The following DPP4 variants were observed in gnomAD, a reference collection of about 807,000 sequenced individuals.
DPP4 encodes ADCP-2.
DPP4 carries 93 observed loss-of-function variants against 122.4 expected under a neutral mutation model. The ratio of observed to expected loss-of-function variants is 0.76; its 90% confidence interval spans 0.64 to 0.90. DPP4 has a LOEUF of 0.90. Ranked by LOEUF, DPP4 falls within the 40% of genes least tolerant of loss-of-function variation. DPP4 has a pLI of 0.00. For synonymous variants in DPP4, 321 were observed against 302.9 expected, an observed-to-expected ratio of 1.06 and a Z score of -0.62; for missense variants, 914 against 907.3, an observed-to-expected ratio of 1.01 and a Z score of -0.09.
intron 18 of DPP4, 136 bp from the exon 19 acceptor site, chr2:162,014,601 T>C: frequency 1.6e-6 from 1 of 615,488 alleles, no homozygotes; most frequent in Non-Finnish European, 2.8e-6. Flanking sequence ...GAAAATGAAC[T>C]GCTTGGATTC....
At chr2:162,004,245 G>C (rs977287734) in intron 23 of DPP4, among the ~76,000 whole-genome samples, 9 of 152,172 alleles carry the variant, frequency 5.9e-5, no homozygotes, top group Non-Finnish European at 1.2e-4. Context: ...GTGAACAATA[G>C]ACTGGAGTGT....
At chr2:162,051,044 G>T (rs2106140223) in intron 2 of DPP4, among the ~76,000 whole-genome samples, 1 of 152,216 alleles carries the variant, frequency 6.6e-6, no homozygotes, top group South Asian at 2.1e-4. Flanking sequence ...AGAAACTTGA[G>T]TTTCAAATCT....
At chr2:162,067,119 A>G (rs1307699705) in intron 2 of DPP4, among the ~76,000 whole-genome samples, 2 of 152,282 alleles carry the variant, frequency 1.3e-5, no homozygotes, top group Non-Finnish European at 2.9e-5. Context: ...TTGGCCCTGA[A>G]GAGGTTTTAA....
chr2:162,034,789 T>C (rs1282536896), intron 9 of DPP4, among the ~76,000 whole-genome samples: 1 of 152,200 alleles, frequency 6.6e-6, no homozygotes, highest in African/African-American at 2.4e-5. Context: ...ATCTGATATA[T>C]AACTGAGCTT....
chr2:162,033,440 C>G (rs1188261897), intron 10 of DPP4, 101 bp downstream of exon 10: 2 of 765,118 alleles, frequency 2.6e-6, no homozygotes, highest in Admixed American at 2.5e-5. Flanking sequence ...GGGGATGACA[C>G]AGTGGGAGGC....
chr2:162,064,874 G>C (rs1204929152), intron 2 of DPP4, among the ~76,000 whole-genome samples: 1 of 152,234 alleles, frequency 6.6e-6, no homozygotes, highest in Non-Finnish European at 1.5e-5. Flanking sequence ...AAGGAAAGGA[G>C]AGAATTACAG....
intron 4 of DPP4, among the ~76,000 whole-genome samples, 175 bp from the exon 5 acceptor site, chr2:162,045,787 G>A (rs986834865): frequency 2.6e-5 from 4 of 152,144 alleles, no homozygotes; most frequent in African/African-American, 4.8e-5. Flanking sequence ...GGTAGGTGGC[G>A]ATCAATGTTA....
chr2:162,025,742 T>C (rs1683305511), intron 10 of DPP4, among the ~76,000 whole-genome samples: 1 of 152,200 alleles, frequency 6.6e-6, no homozygotes, highest in Non-Finnish European at 1.5e-5. Flanking sequence ...CGATTGTGGT[T>C]TTGGATTACT....
Position 161,995,367 on chromosome 2 carries a change from T to C in DPP4, c.2058A>G (p.Ser686=), listed in dbSNP as rs770218682. The C allele has an allele frequency of 2.5e-6, 4 of 1,613,364 alleles. No homozygotes were observed. The highest frequency in any genetic ancestry group is 4.5e-5 in the East Asian group (2 of 44,878). The change falls in exon 24 of 26, where the codon TCA becomes TCG. Residue 686 remains serine (S), a synonymous_variant. Coordinates refer to ENST00000360534, the MANE Select transcript of DPP4 (RefSeq NM_001935.4). ...AATTTTCAGCTCTGCTCATGACTGT[T>C]GAATTCTGGAATTGGGAGAAAGAAT... ...PEDNLDHYRN[S]TVMSRAENFK...
chr2:162,048,179 C>T (rs980995432), intron 2 of DPP4, among the ~76,000 whole-genome samples: 9 of 152,168 alleles, frequency 5.9e-5, no homozygotes, highest in African/African-American at 2.2e-4. Context: ...AATATCATCA[C>T]TTTTCTTTGA....
chr2:162,039,208 A>G lies in DPP4; in HGVS notation c.367-24T>C, dbSNP rs766723631. The stretch of plus-strand genomic sequence containing the variant: ...TGCTATGAAAGAAAACAGACATTTC[A>G]GGCTTCTGTGATACTTGATAATTTG... On this transcript the variant is annotated intron_variant, in intron 5 of 25. Coordinates refer to ENST00000360534, the MANE Select transcript of DPP4 (RefSeq NM_001935.4). 4 of 1,609,560 alleles carry G rather than the reference A, an allele frequency of 2.5e-6. No individual in the cohort carries two copies. The Admixed American group carries it at 6.7e-5, about 27-fold the overall frequency.
intron 23 of DPP4, among the ~76,000 whole-genome samples, chr2:161,999,981 G>A (rs1701103783): frequency 6.6e-6 from 1 of 152,146 alleles, no homozygotes; most frequent in Non-Finnish European, 1.5e-5. Flanking sequence ...CATACTGCTG[G>A]TAAGTGGTTG....
At position 162,038,277 on chromosome 2, in the gene DPP4, TTTGAAAAAGC is replaced by T; in HGVS notation, c.613+15_613+24del. The T allele has an allele frequency of 1.3e-6, 2 of 1,517,852 alleles. No individual in the cohort carries two copies. 94.0% of individuals were successfully genotyped at this position (1,517,852 alleles called of 1,614,324 possible). On this transcript the variant is annotated intron_variant, in intron 8 of 25. Coordinates refer to ENST00000360534, the MANE Select transcript of DPP4 (RefSeq NM_001935.4). ...TTTTAAAAGCTTATAGATTTTCTGA[TTTGAAAAAGC>T]TTTAAAGTTTCTACCTTCATAAACC...
intron 1 of DPP4, 118 bp downstream of exon 1, chr2:162,073,858 G>A (rs1385642704): frequency 2.1e-6 from 3 of 1,395,890 alleles, no homozygotes; most frequent in African/African-American, 1.4e-5. Flanking sequence ...GGGTGGCCTT[G>A]GGGCTTCCGC....
In DPP4 at chr2:162,047,447, T is replaced by C; in HGVS notation, c.149A>G (p.Lys50Arg). The change falls in exon 3 of 26, where the codon AAA becomes AGA. Residue 50 changes from lysine (K) to arginine (R), a missense_variant. By Grantham distance (26) the Lys-to-Arg change is conservative (BLOSUM62 2). Transcript: ENST00000360534. ...GTATAACTTCAGTCTATAAGTATTTTTTAAGTAATCAGTTAGAGTGTAAGT... is the reference window on the plus strand; with the variant it reads ...GTATAACTTCAGTCTATAAGTATTTCTTAAGTAATCAGTTAGAGTGTAAGT... ...RKTYTLTDYL[K>R]NTYRLKLYSL... 1 of 1,590,364 alleles carries C rather than the reference T, an allele frequency of 6.3e-7. No homozygotes were observed.
In DPP4 at chr2:161,995,283, A is replaced by G; in HGVS notation, c.2125+17T>C. 6.2e-7 allele frequency: 1 copy of G among 1,611,170 alleles called. No individual in the cohort carries two copies. Among genetic ancestry groups the G allele is most frequent in the Non-Finnish European group, 8.5e-7 (1 of 1,177,408 alleles). On this transcript the variant is annotated intron_variant, in intron 24 of 25. Transcript: ENST00000360534. ...ACCTGTCTGTGATACTAAAAAGTCT[A>G]ATTAACTGAAACTCACCATCTGCTG...
intron 23 of DPP4, among the ~76,000 whole-genome samples, chr2:161,996,471 C>T (rs1042186959): frequency 3.9e-5 from 6 of 152,092 alleles, no homozygotes; most frequent in Non-Finnish European, 7.4e-5. Context: ...TTGATGGGAA[C>T]CTTGGTGGTC....
Position 162,027,221 on chromosome 2 carries a change from C to T in DPP4, c.888-2282G>A, listed in dbSNP as rs1029837760. Among the ~76,000 whole-genome samples the T allele has an allele frequency of 4.0e-5, 6 of 151,858 alleles. No homozygotes were observed. The South Asian group carries it at 1.0e-3, about 26-fold the overall frequency. ...CAAAAATTAGCCAGGTGTGGTGGCA[C>T]ACACCTGTAATCCCAGCTACTCAGG... On this transcript the variant is annotated intron_variant, in intron 10 of 25. Coordinates refer to ENST00000360534, the MANE Select transcript of DPP4 (RefSeq NM_001935.4).
At chr2:162,011,715 A>T (rs1576038573) in intron 20 of DPP4, 78 bp downstream of exon 20, 2 of 1,422,622 alleles carry the variant, frequency 1.4e-6, no homozygotes, top group East Asian at 4.6e-5. Context: ...AATTATTTAC[A>T]CTTTACAGCT....
Sources: allele counts gnomAD v4.1 joint callset (sites outside exome capture counted in the v4.1 genomes callset), GRCh38; gene constraint gnomAD v4.1.1; transcripts MANE v1.5; gene names NCBI Gene and HGNC (gene_info 2026-07-23, HGNC 2026-07-21).